HIBCH: variants seen among roughly 807,000 people sequenced by gnomAD.
HIBCH encodes 3-hydroxyisobutyryl-CoA hydrolase.
A neutral mutation model predicts 58.2 loss-of-function variants in HIBCH; 50 were observed. That is an observed-to-expected ratio of 0.86 (90% CI 0.68 to 1.09). The LOEUF (loss-of-function observed/expected upper bound fraction) is 1.09, where lower values mean the gene tolerates loss of function less well. HIBCH is among the 50% of genes least tolerant of loss of function. The probability of loss-of-function intolerance (pLI) is 0.00; values close to 1 mark genes in which losing one functional copy is unlikely to be tolerated. For synonymous variants in HIBCH, 151 were observed against 146.9 expected (o/e 1.03, Z -0.20); for missense variants, 450 against 449.7 (o/e 1.00, Z -0.01).
intron 11 of HIBCH, among the ~76,000 whole-genome samples, chr2:190,225,562 T>C (rs1489214082): frequency 2.0e-5 from 3 of 152,136 alleles, no homozygotes; most frequent in African/African-American, 7.2e-5. Flanking sequence ...CTCCCAAGAC[T>C]AAACCAGGAA....
intron 6 of HIBCH, among the ~76,000 whole-genome samples, chr2:190,283,742 C>T (rs1441179525): frequency 6.6e-6 from 1 of 152,118 alleles, no homozygotes; most frequent in Non-Finnish European, 1.5e-5. Flanking sequence ...AGAAAAGACA[C>T]AATATTTTTA....
intron 7 of HIBCH, among the ~76,000 whole-genome samples, chr2:190,259,365 G>GTGTGTGTGTGTC (rs1305957511): frequency 9.9e-5 from 14 of 141,240 alleles, no homozygotes; most frequent in South Asian, 2.2e-4. Flanking sequence ...GTGTGTGTGT[G>GTGTGTGTGTGTC]TGTCTGTCTG....
chr2:190,307,912 C>T (rs780795708), intron 2 of HIBCH, among the ~76,000 whole-genome samples: 2 of 152,190 alleles, frequency 1.3e-5, no homozygotes, highest in African/African-American at 2.4e-5. Context: ...GTGAATGTCA[C>T]ACTATAAACA....
chr2:190,245,109 G>C, intron 10 of HIBCH, 141 bp from the exon 11 acceptor site: 1 of 678,042 alleles, frequency 1.5e-6, no homozygotes, highest in South Asian at 1.7e-5. Context: ...GACGTGAAAA[G>C]AAAGAGAGCA....
intron 1 of HIBCH, among the ~76,000 whole-genome samples, chr2:190,312,442 T>C (rs949528785): frequency 6.6e-6 from 1 of 152,252 alleles, no homozygotes; most frequent in African/African-American, 2.4e-5. Context: ...GCTGTGCACA[T>C]GTGCAGATAC....
At chr2:190,314,343 ATATGTGT>A (rs1688648815) in intron 1 of HIBCH, among the ~76,000 whole-genome samples, 1 of 48,088 alleles carries the variant, frequency 2.1e-5, no homozygotes, top group Non-Finnish European at 5.0e-5. Context: ...ATATACATAT[ATATGTGT>A]ATATATACGT....
chr2:190,248,020 C>T (rs552186638), intron 9 of HIBCH, among the ~76,000 whole-genome samples: 55 of 152,284 alleles, frequency 3.6e-4, no homozygotes, highest in Admixed American at 7.2e-4. Flanking sequence ...TTCTCTGAGG[C>T]ATGCCTATAT....
At chr2:190,196,682 A>G (rs10209516) in intron 1 of HIBCH, among the ~76,000 whole-genome samples, 46,250 of 151,976 alleles carry the variant, frequency 0.3, 7,901 homozygotes, top group East Asian at 0.5. Context: ...CTTGTTAAAG[A>G]GGATTATTTC....
chr2:190,255,668 C>G (rs778172461), intron 7 of HIBCH, among the ~76,000 whole-genome samples: 1 of 152,152 alleles, frequency 6.6e-6, no homozygotes, highest in African/African-American at 2.4e-5. Flanking sequence ...TGAGTGAATT[C>G]CCAGGCCCAG....
At chr2:190,246,112 T>C (rs376426196) in intron 10 of HIBCH, 42 bp downstream of exon 10, 5 of 1,129,860 alleles carry the variant, frequency 4.4e-6, no homozygotes, top group Non-Finnish European at 6.7e-6. Context: ...TTTAACATAG[T>C]CTTTCTAAAG....
intron 1 of HIBCH, among the ~76,000 whole-genome samples, chr2:190,196,343 C>T (rs1689975102): frequency 6.6e-6 from 1 of 152,096 alleles, no homozygotes. Context: ...GTAGTCCACA[C>T]AATGAATTTT....
At chr2:190,267,061 T>C (rs1287447755) in intron 6 of HIBCH, among the ~76,000 whole-genome samples, 1 of 152,026 alleles carries the variant, frequency 6.6e-6, no homozygotes, top group Non-Finnish European at 1.5e-5. Context: ...CTGGCCAAGA[T>C]TAGTCATTTT....
chr2:190,269,129 C>A (rs1687319489), intron 6 of HIBCH, among the ~76,000 whole-genome samples: 1 of 152,088 alleles, frequency 6.6e-6, no homozygotes, highest in South Asian at 2.1e-4. Flanking sequence ...CCATAAAAAC[C>A]CTAGAAGAAA....
intron 11 of HIBCH, among the ~76,000 whole-genome samples, chr2:190,221,016 C>A (rs949211860): frequency 6.6e-6 from 1 of 152,156 alleles, no homozygotes; most frequent in African/African-American, 2.4e-5. Context: ...CTACCTTTTG[C>A]TATATTTCCT....
At chr2:190,268,433 T>C (rs1240147724) in intron 6 of HIBCH, among the ~76,000 whole-genome samples, 3 of 152,320 alleles carry the variant, frequency 2.0e-5, no homozygotes, top group South Asian at 2.1e-4. Flanking sequence ...CATGTGAATG[T>C]AGTCAAACTC....
rs73053747 is a variant in HIBCH, at chr2:190,207,637, T to C, written c.1045+1243A>G. On this transcript the variant is annotated intron_variant, in intron 13 of 13. Coordinates refer to ENST00000359678, the MANE Select transcript of HIBCH (RefSeq NM_014362.4). This position sits in a 1 kb window ranked among gnomAD's most constrained non-coding sequence, Gnocchi z 4.5. ...GGCTCATGCCTGTAATCACAGCACTTTGGGAGTCCAAGGCAGCCAGATCAC... is the reference window on the plus strand; with the variant it reads ...GGCTCATGCCTGTAATCACAGCACTCTGGGAGTCCAAGGCAGCCAGATCAC... 0.047 allele frequency among the ~76,000 whole-genome samples: 7,216 copies of C among 152,168 alleles called. 563 individuals are homozygous for C. Among genetic ancestry groups the C allele is most frequent in the African/African-American group, 0.16 (6,735 of 41,476 alleles).
At chr2:190,200,358 T>C, downstream of HIBCH, 1 of 536,428 alleles carries the variant, frequency 1.9e-6, no homozygotes, top group Non-Finnish European at 3.4e-6. Flanking sequence ...ATTTTAGTCA[T>C]CTGAAGGGCT....
At chr2:190,245,101 C>T (rs959676588) in intron 10 of HIBCH, 133 bp from the exon 11 acceptor site, 8 of 688,964 alleles carry the variant, frequency 1.2e-5, no homozygotes, top group Admixed American at 4.3e-5. Flanking sequence ...TTTAACAGGA[C>T]GTGAAAAGAA....
chr2:190,230,100 G>A (rs1464669521), intron 11 of HIBCH, among the ~76,000 whole-genome samples: 2 of 152,094 alleles, frequency 1.3e-5, no homozygotes, highest in Non-Finnish European at 2.9e-5. Context: ...TAAAATTAAA[G>A]GGTTTCTGTT....
Sources: allele counts gnomAD v4.1 joint callset (sites outside exome capture counted in the v4.1 genomes callset), GRCh38; gene constraint gnomAD v4.1.1; non-coding constraint Gnocchi (gnomAD v3.1); transcripts MANE v1.5; gene names NCBI Gene and HGNC (gene_info 2026-07-23, HGNC 2026-07-21).